Variants in RNF216 observed in about 807,000 individuals in gnomAD.
RNF216 encodes the protein ring finger protein 216, also known as E3 ubiquitin-protein ligase RNF216.
Under a neutral mutation model 110.8 loss-of-function variants are expected in RNF216, and 72 were observed. That is an observed-to-expected ratio of 0.65 (90% CI 0.54 to 0.79). The LOEUF (loss-of-function observed/expected upper bound fraction) is 0.79, where lower values mean the gene tolerates loss of function less well. RNF216 is among the 30% of genes least tolerant of loss of function. The pLI is 0.00. For missense variants in RNF216, 1,342 were observed against 1,141.2 expected (o/e 1.18, Z -2.54); for synonymous variants, 495 against 407.5 (o/e 1.21, Z -2.59).
intron 13 of RNF216, among the ~76,000 whole-genome samples, chr7:5,668,338 C>T (rs561972502): frequency 1.3e-5 from 2 of 152,032 alleles, no homozygotes; most frequent in South Asian, 2.1e-4. Context: ...ATTCTCCTGC[C>T]TCAGCCTCCC....
At chr7:5,638,808 A>G (rs1372028322) in intron 15 of RNF216, among the ~76,000 whole-genome samples, 1 of 151,742 alleles carries the variant, frequency 6.6e-6, no homozygotes, top group Non-Finnish European at 1.5e-5. Flanking sequence ...CTAATTTTTG[A>G]TATTTTGTAA....
chr7:5,674,717 G>C (rs559549175), intron 13 of RNF216, among the ~76,000 whole-genome samples: 83 of 152,238 alleles, frequency 5.5e-4, no homozygotes, highest in African/African-American at 1.9e-3. Context: ...ATTTATAGTT[G>C]TGCAAAGCGG....
rs1170353626 is a variant in RNF216, at chr7:5,696,999, C to CG, written c.2061+14761dup. Among the ~76,000 whole-genome samples the CG allele has an allele frequency of 1.3e-5, 2 of 152,108 alleles. No homozygotes were observed. Among genetic ancestry groups the CG allele is most frequent in the African/African-American group, 4.8e-5 (2 of 41,406 alleles). ...ATTACGCCAGCAACAGCTCCAGGGA[C>CG]GGGGGTAGGGGAAGTCTCCAAAATA... On this transcript the variant is annotated intron_variant, in intron 13 of 16. Coordinates refer to ENST00000389902, the MANE Select transcript of RNF216 (RefSeq NM_207111.4). This position sits in a 1 kb window ranked among gnomAD's most constrained non-coding sequence, Gnocchi z 5.4.
intron 13 of RNF216, among the ~76,000 whole-genome samples, chr7:5,669,391 A>G (rs138549826): frequency 1.4e-4 from 22 of 152,324 alleles, no homozygotes; most frequent in South Asian, 1.0e-3. Context: ...CTCATTATCC[A>G]TTCTTTTCAG....
At chr7:5,704,115 A>G (rs1033146590) in intron 13 of RNF216, among the ~76,000 whole-genome samples, 1 of 152,230 alleles carries the variant, frequency 6.6e-6, no homozygotes, top group Non-Finnish European at 1.5e-5. Context: ...TCAATGAAAC[A>G]AAGACTCTCT....
chr7:5,749,149 ATTTTT>A (rs71004700), intron 3 of RNF216, among the ~76,000 whole-genome samples: 4 of 114,996 alleles, frequency 3.5e-5, no homozygotes, highest in Non-Finnish European at 3.7e-5. Flanking sequence ...ATGCCCATGT[ATTTTT>A]TTTTTTTTTT....
chr7:5,750,368 A>C (rs753533709), intron 3 of RNF216, among the ~76,000 whole-genome samples: 54 of 152,358 alleles, frequency 3.5e-4, no homozygotes, highest in Non-Finnish European at 5.7e-4. Context: ...AATTTCCAGC[A>C]AAGCAAATTT....
intron 13 of RNF216, among the ~76,000 whole-genome samples, chr7:5,709,261 T>C (rs1314227442): frequency 2.6e-5 from 4 of 152,170 alleles, no homozygotes; most frequent in African/African-American, 4.8e-5. Flanking sequence ...ATATTAGATA[T>C]ATGTTCCAGT....
chr7:5,753,114 G>T, intron 2 of RNF216, 135 bp from the exon 3 acceptor site: 1 of 783,452 alleles, frequency 1.3e-6, no homozygotes. Flanking sequence ...CAAGCAGCCC[G>T]TGCACTTAAG....
chr7:5,691,372 G>C (rs538584477), intron 13 of RNF216, among the ~76,000 whole-genome samples: 36 of 152,082 alleles, frequency 2.4e-4, no homozygotes, highest in Non-Finnish European at 4.1e-4. Flanking sequence ...GTTCTGGCTG[G>C]ATTGCTCCTG....
chr7:5,697,894 AC>A (rs1226519358), intron 13 of RNF216, among the ~76,000 whole-genome samples: 1 of 152,176 alleles, frequency 6.6e-6, no homozygotes, highest in African/African-American at 2.4e-5. Flanking sequence ...GCGAAGTCTA[AC>A]AGAGCAGGGG....
chr7:5,631,285 C>G (rs556141768), intron 15 of RNF216, among the ~76,000 whole-genome samples: 1 of 152,330 alleles, frequency 6.6e-6, no homozygotes, highest in South Asian at 2.1e-4. Context: ...ACTTGTCGGC[C>G]TCTGGTCCCT....
chr7:5,641,082 C>A, intron 15 of RNF216, 72 bp downstream of exon 15: 1 of 1,253,298 alleles, frequency 8.0e-7, no homozygotes, highest in South Asian at 1.4e-5. Context: ...TACGTATATT[C>A]AAAATATTTG....
chr7:5,656,127 G>A (rs1050874433), intron 13 of RNF216, among the ~76,000 whole-genome samples: 3 of 152,108 alleles, frequency 2.0e-5, no homozygotes, highest in African/African-American at 7.2e-5. Flanking sequence ...AAATTAGCCG[G>A]GCATGGTGGC....
At chr7:5,720,942 A>G (rs1793380351) in intron 9 of RNF216, 91 bp downstream of exon 9, 2 of 1,272,046 alleles carry the variant, frequency 1.6e-6, no homozygotes, top group Admixed American at 2.2e-5. Flanking sequence ...AAGAAAAGGG[A>G]AATCTTAAAA....
chr7:5,780,781 G>A (rs1399447630), intron 1 of RNF216, among the ~76,000 whole-genome samples: 5 of 152,176 alleles, frequency 3.3e-5, no homozygotes, highest in Non-Finnish European at 7.4e-5. Context: ...TAGGACAGCT[G>A]CTACCCAGGC....
In RNF216 at chr7:5,768,863, A is replaced by G. The variant is rs1037870484; in HGVS notation, c.-69-7725T>C. Among the ~76,000 whole-genome samples the G allele has an allele frequency of 2.6e-5, 4 of 151,448 alleles. 1 individual carries two copies. Among genetic ancestry groups the G allele is most frequent in the South Asian group, 4.2e-4 (2 of 4,802 alleles). ...TTTTTAGTAGAGACAGGGTTTCACCATGTTAGCCAGGATGGTCTTGATCTC... is the reference window on the plus strand; with the variant it reads ...TTTTTAGTAGAGACAGGGTTTCACCGTGTTAGCCAGGATGGTCTTGATCTC... On this transcript the variant is annotated intron_variant, in intron 1 of 16. Coordinates refer to ENST00000389902, the MANE Select transcript of RNF216 (RefSeq NM_207111.4).
At chr7:5,736,921 C>A (rs1173197862) in intron 5 of RNF216, among the ~76,000 whole-genome samples, 1 of 151,380 alleles carries the variant, frequency 6.6e-6, no homozygotes, top group Non-Finnish European at 1.5e-5. Flanking sequence ...CCCCTCCGCC[C>A]GGCAGCCGCC....
chr7:5,772,652 A>G (rs1354695675), intron 1 of RNF216, among the ~76,000 whole-genome samples: 3 of 152,190 alleles, frequency 2.0e-5, no homozygotes, highest in African/African-American at 4.8e-5. Flanking sequence ...AAATAATATC[A>G]GCATTTTCTC....
Sources: gnomAD v4.1 joint callset for allele counts (sites outside exome capture counted in the v4.1 genomes callset) on GRCh38, gnomAD v4.1.1 for gene constraint, Gnocchi (gnomAD v3.1) non-coding constraint, MANE v1.5 for transcripts, NCBI Gene and HGNC (gene_info 2026-07-23, HGNC 2026-07-21) for gene names.